Variants in HOOK3 observed in about 807,000 individuals in gnomAD.
HOOK3 encodes protein Hook homolog 3.
Under a neutral mutation model 116.3 loss-of-function variants are expected in HOOK3, and 24 were observed. The ratio of observed to expected loss-of-function variants is 0.21; its 90% CI spans 0.15 to 0.29. HOOK3 has a LOEUF of 0.29. HOOK3 is among the 10% of genes least tolerant of loss of function. The pLI, the probability that HOOK3 is intolerant of heterozygous loss-of-function variation, is 1.00. For synonymous variants in HOOK3, 275 were observed against 283.0 expected (o/e 0.97, Z 0.28); for missense variants, 632 against 830.2 (o/e 0.76, Z 2.93).
At chr8:42,943,162 G>A (rs1292268256) in intron 4 of HOOK3, 151 bp from the exon 5 acceptor site, 3 of 410,640 alleles carry the variant, frequency 7.3e-6, no homozygotes, top group African/African-American at 6.1e-5. Flanking sequence ...ATTTAGGTAT[G>A]GGAGGTAGAA....
intron 13 of HOOK3, among the ~76,000 whole-genome samples, chr8:42,976,017 T>G (rs1198295405): frequency 6.6e-6 from 1 of 151,238 alleles, no homozygotes; most frequent in Non-Finnish European, 1.5e-5. Flanking sequence ...GATGTAGATG[T>G]AGATGTGTGT....
intron 18 of HOOK3, among the ~76,000 whole-genome samples, chr8:43,008,671 T>TA (rs1809543370): frequency 6.8e-6 from 1 of 148,012 alleles, no homozygotes. Context: ...TTATTTTTTT[T>TA]TTTTTTGAGA....
intron 21 of HOOK3, among the ~76,000 whole-genome samples, chr8:43,015,863 G>A (rs901590528): frequency 6.6e-6 from 1 of 151,632 alleles, no homozygotes; most frequent in Admixed American, 6.6e-5. Context: ...GGTTACAGGC[G>A]CCCGCCACCA....
Position 43,027,564 on chromosome 8 carries a change from G to A in HOOK3, c.*9066G>A. ...AGAAGTCTAGACCCTGGCCTTTGAG[G>A]GAAAGGACTGCTTTTTTTCTCTCCC... is the stretch of plus-strand genomic sequence containing the variant. On this transcript the variant is annotated 3_prime_UTR_variant, in exon 22 of 22. Coordinates refer to ENST00000307602, the MANE Select transcript of HOOK3 (RefSeq NM_032410.4). 1.3e-5 allele frequency: 3 copies of A among 227,202 alleles called. No individual in the cohort carries two copies. Among genetic ancestry groups the A allele is most frequent in the Non-Finnish European group, 2.7e-5 (3 of 111,016 alleles). The allele number at this position is 227,202 out of a possible 1,614,324, so 14.1% of individuals were successfully genotyped here.
intron 14 of HOOK3, among the ~76,000 whole-genome samples, chr8:42,985,592 A>T (rs918284012): frequency 1.3e-5 from 2 of 152,104 alleles, no homozygotes; most frequent in African/African-American, 4.8e-5. Context: ...TTTTCCGTAC[A>T]ATGTATGTGT....
intron 12 of HOOK3, among the ~76,000 whole-genome samples, chr8:42,973,710 TAATA>T (rs1808767662): frequency 2.6e-5 from 4 of 152,350 alleles, no homozygotes; most frequent in Admixed American, 2.6e-4. Context: ...TCTGTATGAT[TAATA>T]GAGGACTTTT....
At chr8:42,934,393 TG>T (rs1207921760) in intron 4 of HOOK3, among the ~76,000 whole-genome samples, 7 of 152,224 alleles carry the variant, frequency 4.6e-5, no homozygotes, top group East Asian at 3.8e-4. Context: ...TACTTTCATA[TG>T]TTTTTTTAAT....
chr8:42,941,389 G>A (rs1443362307), intron 4 of HOOK3, among the ~76,000 whole-genome samples: 1 of 150,940 alleles, frequency 6.6e-6, no homozygotes, highest in Admixed American at 6.6e-5. Flanking sequence ...GTGGTGGTGG[G>A]CGCTTGTAGT....
chr8:42,963,177 GAGTAGT>G (rs1220724270), intron 8 of HOOK3, among the ~76,000 whole-genome samples: 2 of 151,990 alleles, frequency 1.3e-5, no homozygotes, highest in Non-Finnish European at 2.9e-5. Flanking sequence ...TCTTATTGCT[GAGTAGT>G]AGTACAGGTT....
intron 19 of HOOK3, among the ~76,000 whole-genome samples, chr8:43,011,718 A>G (rs1809616101): frequency 6.6e-6 from 1 of 152,076 alleles, no homozygotes; most frequent in Non-Finnish European, 1.5e-5. Context: ...TACAAAAAAA[A>G]GTTTTAAAAA....
chr8:43,022,342 A>G lies in HOOK3; in HGVS notation c.*3844A>G, dbSNP rs780522596. The G allele has an allele frequency of 4.8e-6, 1 of 207,028 alleles. No homozygotes were observed. The highest frequency in any genetic ancestry group is 9.9e-6 in the Non-Finnish European group (1 of 101,444). The allele number at this position is 207,028 out of a possible 1,614,324, so 12.8% of individuals were successfully genotyped here. On this transcript the variant is annotated 3_prime_UTR_variant, in exon 22 of 22. Transcript: ENST00000307602. ...GTGCTGTATTTTTACAAACTCTCGC[A>G]TACAGCACCTTCCTGGGGCCACGTT...
At chr8:42,974,311 G>A (rs1473663947) in intron 13 of HOOK3, 117 bp downstream of exon 13, 1 of 648,216 alleles carries the variant, frequency 1.5e-6, no homozygotes, top group Non-Finnish European at 2.7e-6. Context: ...TGCAACCTCT[G>A]CCTCCTGGAA....
intron 17 of HOOK3, among the ~76,000 whole-genome samples, chr8:43,005,423 CA>C (rs1458514239): frequency 6.6e-6 from 1 of 151,378 alleles, no homozygotes; most frequent in Non-Finnish European, 1.5e-5. Flanking sequence ...AAGGTTTCAC[CA>C]TCTTAGCCAG....
chr8:42,903,881 G>A (rs1470037808), intron 1 of HOOK3, among the ~76,000 whole-genome samples: 3 of 151,920 alleles, frequency 2.0e-5, no homozygotes, highest in African/African-American at 2.4e-5. Context: ...GCGTGAACCC[G>A]GGAGGCGGAG....
chr8:42,912,484 G>A (rs1807451005), intron 2 of HOOK3, among the ~76,000 whole-genome samples: 1 of 152,180 alleles, frequency 6.6e-6, no homozygotes, highest in South Asian at 2.1e-4. Flanking sequence ...ATATGGGATG[G>A]TGAAAAAGTT....
chr8:42,981,676 G>A (rs564014442), intron 13 of HOOK3, among the ~76,000 whole-genome samples: 2 of 151,862 alleles, frequency 1.3e-5, no homozygotes, highest in East Asian at 3.9e-4. Flanking sequence ...CTTAGGTCAG[G>A]AGTTTGAGAC....
chr8:43,027,458 G>A lies in HOOK3; in HGVS notation c.*8960G>A, dbSNP rs1312109154. 4.2e-6 allele frequency: 2 copies of A among 476,346 alleles called. No homozygotes were observed. Among genetic ancestry groups the A allele is most frequent in the Admixed American group, 5.1e-5 (2 of 39,452 alleles). The allele number at this position is 476,346 out of a possible 1,614,324, so 29.5% of individuals were successfully genotyped here. A position where few individuals can be genotyped will look rare whatever the true frequency, so the allele number is the denominator to read the frequency against. The stretch of plus-strand genomic sequence containing the variant: ...GAGACATGCTTTTAAAGTACAAAAC[G>A]TTTCTCTTCTACCTTACCCCCTGTT... On this transcript the variant is annotated 3_prime_UTR_variant, in exon 22 of 22. Coordinates refer to ENST00000307602, the MANE Select transcript of HOOK3 (RefSeq NM_032410.4).
intron 21 of HOOK3, 58 bp downstream of exon 21, chr8:43,013,458 TA>T: frequency 7.4e-7 from 1 of 1,345,812 alleles, no homozygotes; most frequent in African/African-American, 1.5e-5. Flanking sequence ...TAATACTTAT[TA>T]TATTCCCTTT....
Position 43,026,277 on chromosome 8 carries a change from A to C in HOOK3, c.*7779A>C, listed in dbSNP as rs1304786018. 20 of 194,830 alleles carry C rather than the reference A, an allele frequency of 1.0e-4. No homozygotes were observed. The East Asian group carries it at 1.6e-3, about 16-fold the overall frequency. The allele number at this position is 194,830 out of a possible 1,614,324, so 12.1% of individuals were successfully genotyped here. ...TAGTGTCTTAATATATAGTCTTTAT[A>C]TAGTATCTTAATATTATTTACTGTT... On this transcript the variant is annotated 3_prime_UTR_variant, in exon 22 of 22. Coordinates refer to ENST00000307602, the MANE Select transcript of HOOK3 (RefSeq NM_032410.4).
Sources: gnomAD v4.1 joint callset for allele counts (sites outside exome capture counted in the v4.1 genomes callset) on GRCh38, gnomAD v4.1.1 for gene constraint, MANE v1.5 for transcripts, NCBI Gene and HGNC (gene_info 2026-07-23, HGNC 2026-07-21) for gene names.